ZNF233: variants seen among roughly 807,000 people sequenced by gnomAD.
The protein encoded by ZNF233 is zinc finger protein 233.
Under a neutral mutation model 11.6 loss-of-function variants are expected in ZNF233, and 7 were observed. That is an observed-to-expected ratio of 0.60 (90% CI 0.34 to 1.13). The LOEUF (loss-of-function observed/expected upper bound fraction) is 1.13, where lower values mean the gene tolerates loss of function less well. ZNF233 is among the 50% of genes most tolerant of loss of function. The probability of loss-of-function intolerance (pLI) is 0.03; values close to 1 mark genes in which losing one functional copy is unlikely to be tolerated. For missense variants in ZNF233, 711 were observed against 785.5 expected (o/e 0.91, Z 1.13); for synonymous variants, 226 against 268.5 (o/e 0.84, Z 1.55).
At position 44,273,372 on chromosome 19, in the gene ZNF233, A is replaced by G. The variant is rs142478173; in HGVS notation, c.712A>G (p.Asn238Asp). ...HKREKAFSHN[N>D]CGKDCVKESS... is the part of the protein sequence containing the mutation. ...AAGAGAGAAAGCTTTTAGCCACAAT[A>G]ATTGTGGAAAAGACTGTGTGAAGGA... is the stretch of plus-strand genomic sequence containing the variant. Residue 238 changes from asparagine (N) to aspartate (D), a missense_variant, in exon 5 of 5, where the codon AAT becomes GAT. Physicochemically the swap from Asn to Asp is conservative, Grantham distance 23. Transcript: ENST00000683810. The G allele has an allele frequency of 2.6e-5, 42 of 1,614,190 alleles. No homozygotes were observed. The African/African-American group carries it at 5.2e-4, about 20-fold the overall frequency.
At chr19:44,265,366 T>TATATAC (rs1402228992) in intron 2 of ZNF233, among the ~76,000 whole-genome samples, 209 of 133,180 alleles carry the variant, frequency 1.6e-3, no homozygotes, top group African/African-American at 4.9e-3. Flanking sequence ...CATATATATA[T>TATATAC]ACACACACAC....
At chr19:44,271,781 A>G (rs922949811) in intron 4 of ZNF233, among the ~76,000 whole-genome samples, 5 of 151,840 alleles carry the variant, frequency 3.3e-5, no homozygotes, top group African/African-American at 1.2e-4. Context: ...AAGTGCTAGG[A>G]TTACAGGTGA....
rs1975311432 is a variant in ZNF233, at chr19:44,273,796, T to C, written c.1136T>C (p.Phe379Ser). The part of the protein sequence containing the change: ...LCTCGRCGKG[F>S]HHSLDFDIHC... ...ACATGTGGCAGGTGTGGGAAGGGCT[T>C]CCATCATAGCTTAGATTTTGACATT... Residue 379 changes from phenylalanine to serine, a missense_variant, in exon 5 of 5, where the codon TTC becomes TCC. Phe to Ser is a radical substitution (Grantham distance 155). Coordinates refer to ENST00000683810, the MANE Select transcript of ZNF233 (RefSeq NM_001207005.2). 2.5e-6 allele frequency: 4 copies of C among 1,614,180 alleles called. No individual in the cohort carries two copies. Among genetic ancestry groups the C allele is most frequent in the Non-Finnish European group, 1.7e-6 (2 of 1,180,018 alleles).
intron 1 of ZNF233, among the ~76,000 whole-genome samples, chr19:44,262,421 G>C (rs1005131192): frequency 2.6e-5 from 4 of 152,126 alleles, no homozygotes; most frequent in African/African-American, 9.7e-5. Context: ...AAGTGGCCCT[G>C]GTACATGTAG....
chr19:44,260,379 C>T (rs961644445), intron 1 of ZNF233, among the ~76,000 whole-genome samples: 8 of 152,148 alleles, frequency 5.3e-5, no homozygotes, highest in East Asian at 1.9e-4. Flanking sequence ...TTATTTCTTC[C>T]TGGAGAGGAG....
chr19:44,264,385 G>C lies in ZNF233; in HGVS notation c.15+10G>C, dbSNP rs372144431. Reference sequence around the variant, plus strand: ...AATGACCAAGTTTCAGGTGAGTTGAGTTTTGATTTTTATCTCTTAAAATGA... The same window carrying C: ...AATGACCAAGTTTCAGGTGAGTTGACTTTTGATTTTTATCTCTTAAAATGA... On this transcript the variant is annotated intron_variant, in intron 2 of 4. Coordinates refer to ENST00000683810, the MANE Select transcript of ZNF233 (RefSeq NM_001207005.2). 1.6e-5 allele frequency: 26 copies of C among 1,611,424 alleles called. No homozygotes were observed. The African/African-American group carries it at 2.7e-4, about 17-fold the overall frequency.
In ZNF233 at chr19:44,273,509, C is replaced by T; in HGVS notation, c.849C>T (p.Asp283=). ...TTCACCAGCAACTACACTTAAGAGA[C>T]AAGCCTCATGTAAATGTTGAGTACG... ...LELHQQLHLR[D]KPHVNVEYGK... The change falls in exon 5 of 5, where the codon GAC becomes GAT. Residue 283 remains aspartate (D), a synonymous_variant. Coordinates refer to ENST00000683810, the MANE Select transcript of ZNF233 (RefSeq NM_001207005.2). 1 of 1,614,202 alleles carries T rather than the reference C, an allele frequency of 6.2e-7. No individual in the cohort carries two copies. The highest frequency in any genetic ancestry group is 8.5e-7 in the Non-Finnish European group (1 of 1,180,042).
intron 1 of ZNF233, among the ~76,000 whole-genome samples, chr19:44,262,487 C>T (rs929399661): frequency 4.6e-5 from 7 of 152,142 alleles, no homozygotes; most frequent in African/African-American, 1.4e-4. Context: ...TACTAAATGT[C>T]GTGAAATGTC....
chr19:44,273,878 C>A lies in ZNF233; in HGVS notation c.1218C>A (p.Gly406=). ...GTAAATGTGATGTATATGATAAAGG[C>A]TTCAGTCAGACATCACAACTTCAAG... is the stretch of plus-strand genomic sequence containing the variant. ...RACKCDVYDK[G]FSQTSQLQAH... The change falls in exon 5 of 5, where the codon GGC becomes GGA. Residue 406 remains glycine (G), a synonymous_variant. Transcript: ENST00000683810. 1 of 1,614,196 alleles carries A rather than the reference C, an allele frequency of 6.2e-7. No individual in the cohort carries two copies. The highest frequency in any genetic ancestry group is 1.3e-5 in the African/African-American group (1 of 75,050).
At chr19:44,267,266 G>T (rs930205117) in intron 4 of ZNF233, 1 of 405,196 alleles carries the variant, frequency 2.5e-6, no homozygotes, top group Non-Finnish European at 4.3e-6. Flanking sequence ...CACTCCCTGT[G>T]AATTGATTTC....
At chr19:44,271,319 T>C (rs1471085573) in intron 4 of ZNF233, among the ~76,000 whole-genome samples, 3 of 152,196 alleles carry the variant, frequency 2.0e-5, no homozygotes, top group African/African-American at 4.8e-5. Context: ...GTCCCCTCTT[T>C]CTTTCTTTGA....
intron 4 of ZNF233, among the ~76,000 whole-genome samples, chr19:44,271,842 T>C (rs1049455943): frequency 2.0e-5 from 3 of 152,088 alleles, no homozygotes; most frequent in African/African-American, 7.2e-5. Context: ...ATTATTCTTA[T>C]GGACAAGGAG....
intron 4 of ZNF233, among the ~76,000 whole-genome samples, chr19:44,271,452 G>A (rs1975232903): frequency 6.6e-6 from 1 of 152,070 alleles, no homozygotes; most frequent in Admixed American, 6.6e-5. Context: ...ATGATTCTGA[G>A]GCTCACATAT....
intron 4 of ZNF233, chr19:44,267,582 A>G: frequency 2.6e-6 from 1 of 390,654 alleles, no homozygotes; most frequent in East Asian, 3.6e-5. Context: ...AGGTCTCACC[A>G]TATTACCCAG....
At chr19:44,260,732 T>G (rs1974915462) in intron 1 of ZNF233, among the ~76,000 whole-genome samples, 1 of 152,156 alleles carries the variant, frequency 6.6e-6, no homozygotes, top group East Asian at 1.9e-4. Flanking sequence ...CTTGGTAACA[T>G]TGTCCCAACG....
chr19:44,266,294 CT>C lies in ZNF233; in HGVS notation c.113del (p.Leu38ArgfsTer17). 6.2e-7 allele frequency: 1 copy of C among 1,609,534 alleles called. No homozygotes were observed. The highest frequency in any genetic ancestry group is 2.2e-5 in the East Asian group (1 of 44,712). ...GAGAAAGCTGTACCAAGATGTGATG[CT>C]GGAGAACTTCAGGAACCTGCTGTCA... ...AQRKLYQDVM[L>X]ENFRNLLSVG... On this transcript the variant is annotated frameshift_variant, in exon 3 of 5. Transcript: ENST00000683810. LOFTEE classifies it high-confidence loss of function.
intron 1 of ZNF233, among the ~76,000 whole-genome samples, chr19:44,261,052 C>A (rs1357197860): frequency 6.6e-6 from 1 of 152,060 alleles, no homozygotes; most frequent in Non-Finnish European, 1.5e-5. Context: ...CAAAGTAAAA[C>A]AACAGGAAAG....
chr19:44,264,559 T>C (rs1328489115), intron 2 of ZNF233, among the ~76,000 whole-genome samples, 184 bp downstream of exon 2: 1 of 152,216 alleles, frequency 6.6e-6, no homozygotes, highest in Non-Finnish European at 1.5e-5. Flanking sequence ...TTGGTAGTTT[T>C]ATTTTATCAT....
intron 4 of ZNF233, chr19:44,268,168 AT>A (rs1975143182): frequency 6.6e-6 from 1 of 151,988 alleles, no homozygotes; most frequent in Admixed American, 6.6e-5. Flanking sequence ...ACATACATAC[AT>A]ACATACATAC....
Sources: gnomAD v4.1 joint callset for allele counts (sites outside exome capture counted in the v4.1 genomes callset) on GRCh38, gnomAD v4.1.1 for gene constraint, MANE v1.5 for transcripts, NCBI Gene and HGNC (gene_info 2026-07-23, HGNC 2026-07-21) for gene names.